MITF: variants seen among roughly 807,000 people sequenced by gnomAD.
The protein encoded by MITF is melanocyte inducing transcription factor, also known as microphthalmia-associated transcription factor.
MITF carries 17 observed loss-of-function variants against 60.5 expected under a neutral mutation model. That is an observed-to-expected ratio of 0.28 (90% CI 0.19 to 0.42). MITF has a LOEUF of 0.42. MITF is among the 10% of genes least tolerant of loss of function. The pLI is 1.00. For missense variants in MITF, 622 were observed against 683.5 expected (o/e 0.91, Z 1.00); for synonymous variants, 260 against 248.5 (o/e 1.05, Z -0.43).
intron 1 of MITF, among the ~76,000 whole-genome samples, chr3:69,814,462 C>T (rs1473747147): frequency 6.6e-6 from 1 of 151,948 alleles, no homozygotes; most frequent in African/African-American, 2.4e-5. Context: ...TCAAGTAGCT[C>T]GAACTACAGA....
chr3:69,785,522 T>C (rs1358978479), intron 1 of MITF, among the ~76,000 whole-genome samples: 1 of 152,240 alleles, frequency 6.6e-6, no homozygotes, highest in Non-Finnish European at 1.5e-5. Context: ...CATTTAACCA[T>C]AGTACCATAC....
intron 2 of MITF, among the ~76,000 whole-genome samples, chr3:69,890,067 C>A (rs1303250708): frequency 1.3e-5 from 2 of 152,122 alleles, no homozygotes; most frequent in African/African-American, 4.8e-5. Flanking sequence ...TCTTCATATG[C>A]CACTATTGTA....
At chr3:69,828,115 G>A (rs966946613) in intron 1 of MITF, among the ~76,000 whole-genome samples, 2 of 108,914 alleles carry the variant, frequency 1.8e-5, no homozygotes, top group African/African-American at 5.5e-5. Context: ...AAATCAGTCA[G>A]TATTGACACC....
Position 69,951,840 on chromosome 3 carries a change from A to G in MITF, c.909A>G (p.Ala303=), listed in dbSNP as rs1222518599. Residue 303 remains alanine (A), a synonymous_variant, in exon 7 of 10, where the codon GCA becomes GCG. Transcript: ENST00000352241. The stretch of plus-strand genomic sequence containing the variant: ...GTATTTTTCCCACAGAGTCTGAAGC[A>G]AGAGCACTGGCCAAAGAGAGGCAGA... ...TACIFPTESE[A]RALAKERQKK... 1.2e-6 allele frequency: 2 copies of G among 1,613,588 alleles called. No homozygotes were observed. The highest frequency in any genetic ancestry group is 1.7e-5 in the Admixed American group (1 of 59,972).
intron 1 of MITF, among the ~76,000 whole-genome samples, chr3:69,831,934 G>T (rs2063454416): frequency 6.6e-6 from 1 of 152,154 alleles, no homozygotes; most frequent in Non-Finnish European, 1.5e-5. Context: ...GGTACACAGG[G>T]TGTACGCATG....
intron 2 of MITF, among the ~76,000 whole-genome samples, chr3:69,894,700 C>T (rs1015239286): frequency 6.6e-6 from 1 of 151,554 alleles, no homozygotes. Flanking sequence ...GACTACTGTG[C>T]TATCCTAACT....
chr3:69,918,540 G>A (rs1009461006), intron 2 of MITF, among the ~76,000 whole-genome samples: 5 of 152,128 alleles, frequency 3.3e-5, no homozygotes, highest in African/African-American at 9.7e-5. Flanking sequence ...TTACCTCTGA[G>A]AAATGAAGCC....
rs185389731 is a variant in MITF, at chr3:69,807,466, C to T, written c.104+67765C>T. On this transcript the variant is annotated intron_variant, in intron 1 of 9. Coordinates refer to ENST00000352241, the MANE Select transcript of MITF (RefSeq NM_001354604.2). ...GTGAACTGTGCTTAATTTTACATTT[C>T]CCTTCTCAAAGGCAATTGTGGAACA... Among the ~76,000 whole-genome samples the T allele has an allele frequency of 1.6e-3, 250 of 152,300 alleles. 1 individual carries two copies. Among genetic ancestry groups the T allele is most frequent in the African/African-American group, 5.9e-3 (246 of 41,566 alleles).
intron 1 of MITF, chr3:69,763,463 A>T: frequency 9.3e-4 from 472 of 506,344 alleles, no homozygotes; most frequent in Non-Finnish European, 1.2e-3. Flanking sequence ...TCCTGGCTGA[A>T]TTCCCTGTCA....
Position 69,791,123 on chromosome 3 carries a change from A to G in MITF, c.104+51422A>G, listed in dbSNP as rs939992980. Among the ~76,000 whole-genome samples, 13 of 152,350 alleles carry G rather than the reference A, an allele frequency of 8.5e-5. 1 individual carries two copies. Among genetic ancestry groups the G allele is most frequent in the Middle Eastern group, 3.4e-3 (1 of 294 alleles). ...TTCTTTTGCCATTTTGCGTACAGCA[A>G]ATGTCCTGCAAGTCATGTTCTAAAT... On this transcript the variant is annotated intron_variant, in intron 1 of 9. Transcript: ENST00000352241.
chr3:69,747,966 C>T (rs755623962), intron 1 of MITF, among the ~76,000 whole-genome samples: 5 of 152,156 alleles, frequency 3.3e-5, no homozygotes, highest in East Asian at 1.9e-4. Context: ...ACGCCTACCA[C>T]GAACAAATAA....
intron 1 of MITF, among the ~76,000 whole-genome samples, chr3:69,823,469 G>T (rs528376736): frequency 1.3e-5 from 2 of 152,038 alleles, no homozygotes; most frequent in African/African-American, 4.8e-5. Context: ...AAGCTCTCTG[G>T]TGTCTCTTCT....
intron 1 of MITF, among the ~76,000 whole-genome samples, chr3:69,757,187 C>T (rs1194909697): frequency 6.6e-6 from 1 of 152,024 alleles, no homozygotes; most frequent in Non-Finnish European, 1.5e-5. Flanking sequence ...ATGAGATTAC[C>T]AAGTTTGAGT....
At chr3:69,816,339 T>C (rs1416756042) in intron 1 of MITF, among the ~76,000 whole-genome samples, 1 of 152,192 alleles carries the variant, frequency 6.6e-6, no homozygotes, top group Non-Finnish European at 1.5e-5. Flanking sequence ...AGGTTCCTTC[T>C]CTCTGCTGCA....
intron 1 of MITF, among the ~76,000 whole-genome samples, chr3:69,804,531 C>T (rs2062974610): frequency 6.6e-6 from 1 of 152,152 alleles, no homozygotes; most frequent in African/African-American, 2.4e-5. Context: ...GTGAATAAAT[C>T]TCTTAAAATA....
chr3:69,823,583 A>G (rs1036376900), intron 1 of MITF, among the ~76,000 whole-genome samples: 1 of 152,236 alleles, frequency 6.6e-6, no homozygotes, highest in African/African-American at 2.4e-5. Flanking sequence ...TATTAAGATT[A>G]GGGCTTCAAC....
intron 1 of MITF, among the ~76,000 whole-genome samples, chr3:69,826,048 A>G (rs74319941): frequency 0.042 from 6,386 of 152,262 alleles, 478 homozygotes; most frequent in African/African-American, 0.15. Context: ...TTTACACTAC[A>G]TATATTGAAG....
rs557633539 is a variant in MITF, at chr3:69,893,477, C to T, written c.354+14094C>T. On this transcript the variant is annotated intron_variant, in intron 2 of 9. Coordinates refer to ENST00000352241, the MANE Select transcript of MITF (RefSeq NM_001354604.2). ...AAGGTCCCTAGCTCATAAGCTTGCT[C>T]TGAGGAGTAAGTGACATGATGCTTG... Among the ~76,000 whole-genome samples the T allele has an allele frequency of 4.6e-5, 7 of 152,192 alleles. No homozygotes were observed. In the East Asian group the frequency reaches 1.4e-3, roughly 29 times the overall value.
intron 1 of MITF, among the ~76,000 whole-genome samples, chr3:69,784,388 T>A (rs866955027): frequency 6.6e-6 from 1 of 152,138 alleles, no homozygotes; most frequent in South Asian, 2.1e-4. Context: ...AGGCTACTTT[T>A]TGGGGTAAGA....
Sources: allele counts gnomAD v4.1 joint callset (sites outside exome capture counted in the v4.1 genomes callset), GRCh38; gene constraint gnomAD v4.1.1; transcripts MANE v1.5; gene names NCBI Gene and HGNC (gene_info 2026-07-23, HGNC 2026-07-21).